NRXN3: variants seen among roughly 807,000 people sequenced by gnomAD.
NRXN3 encodes neurexin 3.
In NRXN3, 32 loss-of-function variants were observed where a neutral mutation model predicts 137.6. The observed-to-expected ratio is 0.23, with a 90% CI of 0.18 to 0.31. NRXN3 has a LOEUF of 0.31. Among genes scored for constraint, NRXN3 ranks in the 10% least tolerant of loss-of-function variants. The pLI is 1.00. For missense variants in NRXN3, 1,574 were observed against 2,062.5 expected (o/e 0.76, Z 4.59); for synonymous variants, 798 against 784.5 (o/e 1.02, Z -0.29).
At chr14:78,337,124 G>C (rs969799490) in intron 4 of NRXN3, among the ~76,000 whole-genome samples, 2 of 152,030 alleles carry the variant, frequency 1.3e-5, no homozygotes, top group Non-Finnish European at 2.9e-5. Flanking sequence ...GTCTTAAGGT[G>C]CGAAATAATA....
At chr14:78,778,548 C>A (rs1300270275) in intron 8 of NRXN3, among the ~76,000 whole-genome samples, 1 of 152,050 alleles carries the variant, frequency 6.6e-6, no homozygotes, top group Non-Finnish European at 1.5e-5. Flanking sequence ...TTTATACAAG[C>A]TAATTTTTCC....
chr14:79,394,313 G>T (rs2094948896), intron 15 of NRXN3, among the ~76,000 whole-genome samples: 1 of 152,182 alleles, frequency 6.6e-6, no homozygotes, highest in South Asian at 2.1e-4. Context: ...TATAGAGCTT[G>T]TTACCACCAC....
chr14:79,733,507 C>T (rs1432307662), intron 19 of NRXN3, among the ~76,000 whole-genome samples: 1 of 152,090 alleles, frequency 6.6e-6, no homozygotes, highest in African/African-American at 2.4e-5. Context: ...TGAAGTTGGT[C>T]CATTTCTGTG....
chr14:79,622,172 C>A (rs1357120656), intron 16 of NRXN3, among the ~76,000 whole-genome samples: 1 of 152,090 alleles, frequency 6.6e-6, no homozygotes, highest in Non-Finnish European at 1.5e-5. Flanking sequence ...GCAGAAGAGG[C>A]CATAATTAGC....
chr14:79,609,642 C>G (rs75625457), intron 16 of NRXN3, among the ~76,000 whole-genome samples: 1 of 152,030 alleles, frequency 6.6e-6, no homozygotes, highest in Non-Finnish European at 1.5e-5. Context: ...TTTATCACTA[C>G]GTAGAGTAAA....
At chr14:79,655,216 A>G (rs996606307) in intron 16 of NRXN3, among the ~76,000 whole-genome samples, 4 of 152,234 alleles carry the variant, frequency 2.6e-5, no homozygotes, top group Non-Finnish European at 5.9e-5. Flanking sequence ...ACTAGCAGCA[A>G]TCAGTCAGTA....
chr14:78,600,921 C>T (rs1020043221), intron 4 of NRXN3, among the ~76,000 whole-genome samples: 1 of 152,176 alleles, frequency 6.6e-6, no homozygotes, highest in South Asian at 2.1e-4. Context: ...CCTTGCTCAA[C>T]CCCATCTCTC....
chr14:79,784,987 A>G (rs939820998), intron 19 of NRXN3, among the ~76,000 whole-genome samples: 5 of 152,154 alleles, frequency 3.3e-5, no homozygotes, highest in African/African-American at 1.2e-4. Flanking sequence ...CAGAGAGCAG[A>G]ATTGTTACCC....
chr14:79,551,474 A>G (rs982302385), intron 16 of NRXN3, among the ~76,000 whole-genome samples: 12 of 152,188 alleles, frequency 7.9e-5, no homozygotes, highest in Non-Finnish European at 1.6e-4. Flanking sequence ...AACATTGACT[A>G]TGATTACTCT....
intron 15 of NRXN3, among the ~76,000 whole-genome samples, chr14:79,284,549 T>C (rs1297677682): frequency 6.6e-6 from 1 of 151,734 alleles, no homozygotes; most frequent in Non-Finnish European, 1.5e-5. Flanking sequence ...GTTGAGGACA[T>C]GGAACTCTTG....
intron 6 of NRXN3, among the ~76,000 whole-genome samples, chr14:78,685,153 G>A (rs972235019): frequency 6.6e-6 from 1 of 152,168 alleles, no homozygotes; most frequent in Non-Finnish European, 1.5e-5. Context: ...ATGAGTAAAG[G>A]CTGTATGTGA....
At chr14:79,280,575 T>G (rs111659935) in intron 15 of NRXN3, 3 of 1,575,538 alleles carry the variant, frequency 1.9e-6, no homozygotes, top group African/African-American at 1.3e-5. Flanking sequence ...TAATGGGGCA[T>G]AGCAATTCGC....
At chr14:79,380,659 C>T (rs1272656572) in intron 15 of NRXN3, among the ~76,000 whole-genome samples, 7 of 152,100 alleles carry the variant, frequency 4.6e-5, no homozygotes, top group South Asian at 4.1e-4. Flanking sequence ...AATAAACATA[C>T]GTGTGCATGT....
At chr14:79,182,658 C>T (rs566350068) in intron 15 of NRXN3, among the ~76,000 whole-genome samples, 21 of 152,284 alleles carry the variant, frequency 1.4e-4, no homozygotes, top group South Asian at 6.2e-4. Flanking sequence ...CAGTTTCTAA[C>T]GGGCCACAGA....
At chr14:78,190,871 A>T (rs2060666596) in intron 1 of NRXN3, among the ~76,000 whole-genome samples, 1 of 151,868 alleles carries the variant, frequency 6.6e-6, no homozygotes, top group African/African-American at 2.4e-5. Context: ...ATGGGGTTTC[A>T]CCATGTTGGC....
chr14:78,796,826 T>A (rs926471414), intron 8 of NRXN3, among the ~76,000 whole-genome samples: 3 of 152,090 alleles, frequency 2.0e-5, no homozygotes, highest in African/African-American at 7.2e-5. Context: ...TAAGGTACTC[T>A]TACTCAGGTG....
chr14:78,943,621 A>T (rs76733170), intron 10 of NRXN3, among the ~76,000 whole-genome samples: 4,088 of 27,386 alleles, frequency 0.15, 306 homozygotes, highest in Non-Finnish European at 0.16. Flanking sequence ...AAAAAAAAAA[A>T]ATATATATAT....
At chr14:78,300,783 C>A in intron 4 of NRXN3, 4 of 822,452 alleles carry the variant, frequency 4.9e-6, no homozygotes, top group South Asian at 1.6e-5. Context: ...TGAATACAGT[C>A]CAGATTATAA....
intron 15 of NRXN3, among the ~76,000 whole-genome samples, chr14:79,234,845 C>T (rs2073092377): frequency 6.6e-6 from 1 of 151,790 alleles, no homozygotes; most frequent in South Asian, 2.1e-4. Context: ...TGTTAATATC[C>T]AGCTCCTGGG....
Sources: gnomAD v4.1 joint callset for allele counts (sites outside exome capture counted in the v4.1 genomes callset) on GRCh38, gnomAD v4.1.1 for gene constraint, MANE v1.5 for transcripts, NCBI Gene and HGNC (gene_info 2026-07-23, HGNC 2026-07-21) for gene names.